The following SUMO2 variants were observed in gnomAD, a reference collection of about 807,000 sequenced individuals.
The protein encoded by SUMO2 is small ubiquitin like modifier 2.
In SUMO2, 1 loss-of-function variant was observed where a neutral mutation model predicts 16.0. The observed-to-expected ratio is 0.06, with a 90% CI of 0.02 to 0.30. SUMO2 has a LOEUF of 0.30. Among genes scored for constraint, SUMO2 ranks in the 10% least tolerant of loss-of-function variants. The pLI is 1.00. For synonymous variants in SUMO2, 36 were observed against 40.6 expected, an observed-to-expected ratio of 0.89 and a Z score of 0.43; for missense variants, 16 against 117.5, an observed-to-expected ratio of 0.14 and a Z score of 3.99.
intron 2 of SUMO2, 36 bp downstream of exon 2, chr17:75,181,021 T>C: frequency 1.2e-6 from 2 of 1,608,398 alleles, no homozygotes; most frequent in Non-Finnish European, 1.7e-6. Context: ...TTAAAAATAG[T>C]TTTATTCAGT....
At chr17:75,180,998 G>A (rs953194429) in intron 2 of SUMO2, 59 bp downstream of exon 2, 8 of 1,598,758 alleles carry the variant, frequency 5.0e-6, no homozygotes, top group African/African-American at 2.7e-5. Context: ...TTGTTCCCAT[G>A]AAAATAAGAT....
At chr17:75,172,811 G>C (rs2074752316) in intron 3 of SUMO2, among the ~76,000 whole-genome samples, 1 of 151,682 alleles carries the variant, frequency 6.6e-6, no homozygotes, top group South Asian at 2.1e-4. Flanking sequence ...GGCAGACACG[G>C]GGTTTCACCA....
At chr17:75,177,300 A>G (rs1292458748) in intron 2 of SUMO2, among the ~76,000 whole-genome samples, 1 of 151,080 alleles carries the variant, frequency 6.6e-6, no homozygotes, top group Non-Finnish European at 1.5e-5. Flanking sequence ...CCAGGAGCAG[A>G]GGTTGCAGTG....
chr17:75,174,479 C>G (rs2074766531), intron 3 of SUMO2, among the ~76,000 whole-genome samples: 1 of 152,166 alleles, frequency 6.6e-6, no homozygotes, highest in African/African-American at 2.4e-5. Context: ...CTGCAGTGAG[C>G]TATAATGAGG....
At chr17:75,180,436 G>T (rs1415773331) in intron 2 of SUMO2, among the ~76,000 whole-genome samples, 2 of 128,438 alleles carry the variant, frequency 1.6e-5, no homozygotes, top group Non-Finnish European at 3.2e-5. Flanking sequence ...TTCTTGGTTT[G>T]GCGCGGTGGC....
chr17:75,168,524 G>A (rs760495428), intron 3 of SUMO2, 123 bp from the exon 4 acceptor site: 3 of 782,918 alleles, frequency 3.8e-6, no homozygotes, highest in Non-Finnish European at 6.0e-6. Context: ...CATTATTTTA[G>A]ATGTCTCATA....
chr17:75,169,376 T>TA (rs200495495), intron 3 of SUMO2, among the ~76,000 whole-genome samples: 9 of 151,032 alleles, frequency 6.0e-5, no homozygotes, highest in East Asian at 3.9e-4. Flanking sequence ...CCATCCCTAT[T>TA]AAAAAAAAAT....
At chr17:75,168,453 T>C in intron 3 of SUMO2, 52 bp from the exon 4 acceptor site, 1 of 1,521,488 alleles carries the variant, frequency 6.6e-7, no homozygotes, top group Non-Finnish European at 8.9e-7. Context: ...TTCTGAAAAT[T>C]AATGATTTTT....
Position 75,166,375 on chromosome 17 carries a change from TGAGG to T in SUMO2, c.*1960_*1963del, listed in dbSNP as rs1296128379. 2.6e-5 allele frequency: 4 copies of T among 152,258 alleles called. No individual in the cohort carries two copies. The highest frequency in any genetic ancestry group is 5.9e-5 in the Non-Finnish European group (4 of 68,148). The allele number at this position is 152,258 out of a possible 1,614,324, so 9.4% of individuals were successfully genotyped here. A position where few individuals can be genotyped will look rare whatever the true frequency, so the allele number is the denominator to read the frequency against. Reference sequence around the variant, plus strand: ...TTGTAATCCCAGCTTTTCCGGAGGCTGAGGGAGGAGAATCAGTTGAACCCGGGAG... The same window carrying T: ...TTGTAATCCCAGCTTTTCCGGAGGCTGAGGAGAATCAGTTGAACCCGGGAG... On this transcript the variant is annotated 3_prime_UTR_variant, in exon 4 of 4. Coordinates refer to ENST00000420826, the MANE Select transcript of SUMO2 (RefSeq NM_006937.4).
At chr17:75,174,922 T>C (rs1180070768) in intron 2 of SUMO2, 99 bp from the exon 3 acceptor site, 1 of 1,009,114 alleles carries the variant, frequency 9.9e-7, no homozygotes, top group South Asian at 1.6e-5. Flanking sequence ...ATTAAAGAAA[T>C]ACCTAAATAA....
intron 2 of SUMO2, among the ~76,000 whole-genome samples, chr17:75,176,627 A>G (rs1402694658): frequency 6.6e-6 from 1 of 151,864 alleles, no homozygotes; most frequent in African/African-American, 2.4e-5. Context: ...AAACAACAAC[A>G]ACAACAACAA....
At chr17:75,180,392 TAAAAA>T (rs58684188) in intron 2 of SUMO2, among the ~76,000 whole-genome samples, 1,555 of 44,804 alleles carry the variant, frequency 0.035, 53 homozygotes, top group African/African-American at 0.12. Context: ...ACTCCCAGCT[TAAAAA>T]AAAAAAAAAA....
chr17:75,181,832 C>T (rs1040266230), intron 1 of SUMO2, among the ~76,000 whole-genome samples: 1 of 152,034 alleles, frequency 6.6e-6, no homozygotes, highest in Non-Finnish European at 1.5e-5. Context: ...TTCTCCCCTC[C>T]CCCCCTTTGT....
intron 3 of SUMO2, among the ~76,000 whole-genome samples, chr17:75,174,029 TA>T (rs2145220212): frequency 6.6e-6 from 1 of 152,322 alleles, no homozygotes; most frequent in East Asian, 1.9e-4. Flanking sequence ...CAATTAGGGC[TA>T]TTAGTTCCTT....
chr17:75,180,411 A>AAAAAAAAC (rs2074819110), intron 2 of SUMO2, among the ~76,000 whole-genome samples: 1 of 143,606 alleles, frequency 7.0e-6, no homozygotes, highest in East Asian at 2.2e-4. Flanking sequence ...AAAAAAAAAA[A>AAAAAAAAC]AAAAAAAAAA....
intron 3 of SUMO2, 89 bp downstream of exon 3, chr17:75,174,663 A>G (rs1291788118): frequency 8.2e-7 from 1 of 1,222,672 alleles, no homozygotes; most frequent in Non-Finnish European, 1.2e-6. Flanking sequence ...AAGAACTTAT[A>G]CTCCAGTGTC....
At chr17:75,181,959 A>G in intron 1 of SUMO2, among the ~76,000 whole-genome samples, 1 of 152,074 alleles carries the variant, frequency 6.6e-6, no homozygotes, top group South Asian at 2.1e-4. Flanking sequence ...ACGCTCCAGA[A>G]AGTAAAGGCG....
Position 75,182,796 on chromosome 17 carries a change from G to A in SUMO2, c.21+18C>T. 1 of 1,374,968 alleles carries A rather than the reference G, an allele frequency of 7.3e-7. No homozygotes were observed. The highest frequency in any genetic ancestry group is 1.8e-5 in the South Asian group (1 of 54,998). 85.2% of individuals were successfully genotyped at this position (1,374,968 alleles called of 1,614,324 possible). A position where few individuals can be genotyped will look rare whatever the true frequency, so the allele number is the denominator to read the frequency against. On this transcript the variant is annotated intron_variant, in intron 1 of 3. Transcript: ENST00000420826. ...CCCCCACCGCGCGGCGAGGCGAAGG[G>A]GCCGGCGGCGAGCTCACCTTGGGCT...
chr17:75,179,599 C>CA (rs1233988923), intron 2 of SUMO2, among the ~76,000 whole-genome samples: 1 of 149,394 alleles, frequency 6.7e-6, no homozygotes, highest in Non-Finnish European at 1.5e-5. Flanking sequence ...ATTATGAGCA[C>CA]AGTATTTTCT....
Sources: gnomAD v4.1 joint callset for allele counts (sites outside exome capture counted in the v4.1 genomes callset) on GRCh38, gnomAD v4.1.1 for gene constraint, MANE v1.5 for transcripts, NCBI Gene and HGNC (gene_info 2026-07-23, HGNC 2026-07-21) for gene names.